Variants in SORCS1 observed in about 807,000 individuals in gnomAD.
SORCS1 encodes VPS10 domain-containing receptor SorCS1.
A neutral mutation model predicts 146.1 loss-of-function variants in SORCS1; 60 were observed. That is an observed-to-expected ratio of 0.41 (90% CI 0.33 to 0.51). The LOEUF is 0.51. Ranked by LOEUF, SORCS1 falls within the 20% of genes least tolerant of loss-of-function variation. The pLI, the probability that SORCS1 is intolerant of heterozygous loss-of-function variation, is 0.21. For synonymous variants in SORCS1, 637 were observed against 584.0 expected (o/e 1.09, Z -1.31); for missense variants, 1,352 against 1,487.6 (o/e 0.91, Z 1.50).
intron 2 of SORCS1, among the ~76,000 whole-genome samples, chr10:106,920,677 AG>A (rs1368638558): frequency 6.6e-6 from 1 of 152,220 alleles, no homozygotes; most frequent in African/African-American, 2.4e-5. Context: ...AAAAGCGTGT[AG>A]GAAGTGAGGG....
intron 2 of SORCS1, among the ~76,000 whole-genome samples, chr10:106,884,543 A>G (rs1239691229): frequency 6.6e-6 from 1 of 152,192 alleles, no homozygotes; most frequent in Non-Finnish European, 1.5e-5. Context: ...TTGGTGACAA[A>G]TTTAGCTTAA....
chr10:107,032,510 A>G (rs1168309499), intron 1 of SORCS1, among the ~76,000 whole-genome samples: 6 of 152,160 alleles, frequency 3.9e-5, no homozygotes, highest in Non-Finnish European at 8.8e-5. Context: ...TTACAGAAAC[A>G]GCTGCTGCCC....
At chr10:106,775,975 C>T (rs1304799840) in intron 4 of SORCS1, among the ~76,000 whole-genome samples, 1 of 152,146 alleles carries the variant, frequency 6.6e-6, no homozygotes, top group African/African-American at 2.4e-5. Context: ...ACCATGAGCT[C>T]ATTTAATCCT....
At chr10:107,089,760 C>A (rs1028790130) in intron 1 of SORCS1, among the ~76,000 whole-genome samples, 1 of 152,206 alleles carries the variant, frequency 6.6e-6, no homozygotes, top group Non-Finnish European at 1.5e-5. Flanking sequence ...ATATTTGTCA[C>A]ATCTATATTT....
intron 1 of SORCS1, among the ~76,000 whole-genome samples, chr10:107,081,704 G>T (rs545330005): frequency 1.3e-5 from 2 of 152,254 alleles, no homozygotes; most frequent in South Asian, 4.1e-4. Context: ...AAAAAAGCAT[G>T]ATCAGAAGAA....
intron 22 of SORCS1, among the ~76,000 whole-genome samples, 169 bp from the exon 23 acceptor site, chr10:106,607,466 T>C (rs551384252): frequency 1.6e-4 from 25 of 152,266 alleles, no homozygotes; most frequent in African/African-American, 6.0e-4. Context: ...CACTGGGCTA[T>C]TAGGTCCAGG....
intron 18 of SORCS1, among the ~76,000 whole-genome samples, chr10:106,635,554 G>T (rs1848680557): frequency 6.6e-6 from 1 of 152,132 alleles, no homozygotes; most frequent in Admixed American, 6.6e-5. Context: ...GAAGGGATCA[G>T]CTGGATTCAA....
At chr10:106,965,701 C>T (rs894104253) in intron 1 of SORCS1, among the ~76,000 whole-genome samples, 2 of 152,116 alleles carry the variant, frequency 1.3e-5, no homozygotes, top group Non-Finnish European at 2.9e-5. Context: ...AATCCCTGTG[C>T]TAAACTTTCC....
chr10:106,620,879 T>C (rs1024944098), intron 19 of SORCS1, among the ~76,000 whole-genome samples: 1 of 152,220 alleles, frequency 6.6e-6, no homozygotes, highest in African/African-American at 2.4e-5. Context: ...CACAAGGCAA[T>C]GCAGTCTTTC....
At chr10:106,845,476 A>ATAT (rs1248541283) in intron 2 of SORCS1, among the ~76,000 whole-genome samples, 1 of 39,108 alleles carries the variant, frequency 2.6e-5, no homozygotes, top group African/African-American at 9.1e-5. Flanking sequence ...TAGATTCTGG[A>ATAT]TATTAGCCCT....
intron 4 of SORCS1, among the ~76,000 whole-genome samples, chr10:106,766,505 C>T (rs572479124): frequency 2.6e-5 from 4 of 152,280 alleles, no homozygotes; most frequent in South Asian, 2.1e-4. Context: ...GAGAAAAATG[C>T]GGTCCTCAGA....
intron 1 of SORCS1, among the ~76,000 whole-genome samples, chr10:107,141,621 A>C (rs752418531): frequency 6.6e-6 from 1 of 152,202 alleles, no homozygotes; most frequent in Non-Finnish European, 1.5e-5. Context: ...CGCAGAGTGC[A>C]GTGGTAACGG....
chr10:106,776,835 C>A, intron 3 of SORCS1, 143 bp from the exon 4 acceptor site: 1 of 774,590 alleles, frequency 1.3e-6, no homozygotes, highest in South Asian at 1.9e-5. Flanking sequence ...TTGACTCTGT[C>A]AGGATTATTT....
intron 17 of SORCS1, among the ~76,000 whole-genome samples, chr10:106,664,045 G>A (rs372178608): frequency 6.6e-6 from 1 of 152,246 alleles, no homozygotes; most frequent in East Asian, 1.9e-4. Context: ...CGGAACAGAC[G>A]AAACCAGTGG....
At chr10:106,889,947 C>T (rs1175499877) in intron 2 of SORCS1, among the ~76,000 whole-genome samples, 1 of 149,892 alleles carries the variant, frequency 6.7e-6, no homozygotes, top group African/African-American at 2.5e-5. Flanking sequence ...TTAGGACACC[C>T]TGCTCTTCTG....
At chr10:106,786,017 A>C (rs994891431) in intron 3 of SORCS1, among the ~76,000 whole-genome samples, 2 of 152,236 alleles carry the variant, frequency 1.3e-5, no homozygotes, top group African/African-American at 2.4e-5. Flanking sequence ...TTTGGATTTC[A>C]GTCACAGCAG....
the SORCS1 span, among the ~76,000 whole-genome samples, chr10:107,170,085 A>G: frequency 1.3e-5 from 2 of 152,178 alleles, no homozygotes; most frequent in Non-Finnish European, 2.9e-5. Flanking sequence ...AGATTTTTGA[A>G]AATATACCTT....
At chr10:106,690,444 C>T (rs1853209989) in intron 9 of SORCS1, among the ~76,000 whole-genome samples, 1 of 152,158 alleles carries the variant, frequency 6.6e-6, no homozygotes, top group South Asian at 2.1e-4. Context: ...TTCCTTCCTG[C>T]CCTCTCCCTC....
chr10:106,754,624 G>T (rs112917404), intron 5 of SORCS1, among the ~76,000 whole-genome samples: 70 of 152,250 alleles, frequency 4.6e-4, no homozygotes, highest in African/African-American at 1.6e-3. Flanking sequence ...GAAAAAGATG[G>T]GGAATGGGAA....
Sources: gnomAD v4.1 joint callset for allele counts (sites outside exome capture counted in the v4.1 genomes callset) on GRCh38, gnomAD v4.1.1 for gene constraint, MANE v1.5 for transcripts, NCBI Gene and HGNC (gene_info 2026-07-23, HGNC 2026-07-21) for gene names.